Variants in ADCY10 observed in about 807,000 individuals in gnomAD.
ADCY10 encodes the protein adenylate cyclase 10.
In ADCY10, 156 loss-of-function variants were observed where a neutral mutation model predicts 183.3. That is an observed-to-expected ratio of 0.85 (90% CI 0.75 to 0.97). ADCY10 has a LOEUF of 0.97. Ranked by LOEUF, ADCY10 falls within the 50% of genes least tolerant of loss-of-function variation. The pLI is 0.00. For synonymous variants in ADCY10, 645 were observed against 670.0 expected, an observed-to-expected ratio of 0.96 and a Z score of 0.58; for missense variants, 1,745 against 1,934.3, an observed-to-expected ratio of 0.90 and a Z score of 1.84.
Position 167,810,906 on chromosome 1 carries a change from T to A in ADCY10, c.4490A>T (p.Glu1497Val), listed in dbSNP as rs903500118. ...ASGEELLKNL[E>V]NLVAQNTTGP... ...AGTGGTATTTTGAGCCACCAGATTC[T>A]CCAAGTTCTAAAGAAAAAAAACCCA... Residue 1497 changes from glutamate to valine, a missense_variant, in exon 32 of 33, where the codon GAG becomes GTG. Transcript: ENST00000367851. 1.2e-6 allele frequency: 2 copies of A among 1,613,910 alleles called. No individual in the cohort carries two copies. The highest frequency in any genetic ancestry group is 1.7e-6 in the Non-Finnish European group (2 of 1,179,998).
chr1:167,825,100 A>G (rs1422031657), intron 26 of ADCY10, among the ~76,000 whole-genome samples: 1 of 152,218 alleles, frequency 6.6e-6, no homozygotes, highest in Non-Finnish European at 1.5e-5. Context: ...AAAAATTTTA[A>G]TTTCTGTGAA....
intron 25 of ADCY10, among the ~76,000 whole-genome samples, chr1:167,829,963 TA>T (rs1227337915): frequency 6.6e-6 from 1 of 152,140 alleles, no homozygotes; most frequent in Non-Finnish European, 1.5e-5. Flanking sequence ...GAAAGGAAAA[TA>T]AAAACTCAGG....
chr1:167,839,096 C>T (rs1664437454), intron 21 of ADCY10, among the ~76,000 whole-genome samples: 2 of 152,240 alleles, frequency 1.3e-5, no homozygotes, highest in East Asian at 3.8e-4. Context: ...CCTTCTATTC[C>T]TATCCTTTTC....
rs1669251779 is a variant in ADCY10, at chr1:167,899,612, G to A, written c.453C>T (p.His151=). The A allele has an allele frequency of 6.2e-7, 1 of 1,613,784 alleles. No homozygotes were observed. The highest frequency in any genetic ancestry group is 1.7e-5 in the Admixed American group (1 of 60,008). The change falls in exon 6 of 33, where the codon CAC becomes CAT. Residue 151 remains histidine, a synonymous_variant. Coordinates refer to ENST00000367851, the MANE Select transcript of ADCY10 (RefSeq NM_018417.6). ...IRVKIGLAAG[H]ISMLVFGDET... ...CATCTCCAAAGACCAACATGCTGAT[G>A]TGGCCAGCAGCCAGTCCTGGCAAGA...
At chr1:167,849,294 G>A (rs1214070313) in intron 18 of ADCY10, among the ~76,000 whole-genome samples, 1 of 152,200 alleles carries the variant, frequency 6.6e-6, no homozygotes, top group Non-Finnish European at 1.5e-5. Context: ...GGTGAAGTTT[G>A]AATAGTAAAT....
intron 16 of ADCY10, among the ~76,000 whole-genome samples, chr1:167,859,082 G>T (rs1171415645): frequency 6.6e-6 from 1 of 152,146 alleles, no homozygotes; most frequent in East Asian, 1.9e-4. Flanking sequence ...CAAGGATCAG[G>T]ATCAGGATGA....
At chr1:167,853,302 T>C (rs968711218) in intron 18 of ADCY10, among the ~76,000 whole-genome samples, 1 of 152,088 alleles carries the variant, frequency 6.6e-6, no homozygotes, top group Admixed American at 6.5e-5. Flanking sequence ...TCCCTATTCC[T>C]CCTGCTAAAT....
chr1:167,890,380 C>T (rs778342887), intron 8 of ADCY10, among the ~76,000 whole-genome samples: 3 of 152,156 alleles, frequency 2.0e-5, no homozygotes, highest in Non-Finnish European at 4.4e-5. Context: ...GACTTTTGTT[C>T]TCTTCCCTTA....
intron 1 of ADCY10, among the ~76,000 whole-genome samples, chr1:167,913,283 G>A (rs1670266744): frequency 1.3e-5 from 2 of 152,170 alleles, no homozygotes; most frequent in African/African-American, 4.8e-5. Context: ...ACCCAAAAAT[G>A]AAAAGAGAAA....
chr1:167,830,904 C>T (rs2101894491), intron 25 of ADCY10, among the ~76,000 whole-genome samples: 1 of 152,272 alleles, frequency 6.6e-6, no homozygotes, highest in African/African-American at 2.4e-5. Flanking sequence ...CAACTTTTGT[C>T]TCACCTATCT....
intron 6 of ADCY10, among the ~76,000 whole-genome samples, chr1:167,896,955 G>T (rs1278762771): frequency 6.6e-6 from 1 of 152,044 alleles, no homozygotes; most frequent in Non-Finnish European, 1.5e-5. Flanking sequence ...ATACTTTTCT[G>T]CCCTTAGAAC....
In ADCY10 at chr1:167,901,491, T is replaced by C. The variant is rs78322988; in HGVS notation, c.436+171A>G. Among the ~76,000 whole-genome samples, 4,217 of 152,256 alleles carry C rather than the reference T, an allele frequency of 0.028. 185 individuals are homozygous for C. Among genetic ancestry groups the C allele is most frequent in the African/African-American group, 0.096 (3,967 of 41,532 alleles). ...TATGATTAACCCAAATTCTCTCAACTGGTATGTGAGGAAGCCAAAATTCAC... is the reference window on the plus strand; with the variant it reads ...TATGATTAACCCAAATTCTCTCAACCGGTATGTGAGGAAGCCAAAATTCAC... On this transcript the variant is annotated intron_variant, in intron 5 of 32. Coordinates refer to ENST00000367851, the MANE Select transcript of ADCY10 (RefSeq NM_018417.6).
intron 1 of ADCY10, among the ~76,000 whole-genome samples, chr1:167,908,069 C>A (rs957947654): frequency 9.2e-5 from 14 of 152,150 alleles, no homozygotes; most frequent in Admixed American, 7.8e-4. Flanking sequence ...GGGTATATAC[C>A]CAAAGGAATT....
chr1:167,840,959 G>T (rs366694), intron 21 of ADCY10, among the ~76,000 whole-genome samples: 12,972 of 54,920 alleles, frequency 0.24, 678 homozygotes, highest in Middle Eastern at 0.41. Context: ...TTTTTTTTTT[G>T]AGACAGGGCC....
chr1:167,826,578 T>C (rs770182609), intron 26 of ADCY10, among the ~76,000 whole-genome samples: 1 of 152,178 alleles, frequency 6.6e-6, no homozygotes, highest in Non-Finnish European at 1.5e-5. Context: ...TCTACCACAA[T>C]TCTTAGGATA....
rs746210625 is a variant in ADCY10, at chr1:167,878,480, G to A, written c.1372C>T (p.Pro458Ser). 4.6e-5 allele frequency: 75 copies of A among 1,614,048 alleles called. 2 individuals are homozygous for A. The South Asian group carries it at 7.8e-4, about 17-fold the overall frequency. The change falls in exon 12 of 33, where the codon CCA becomes TCA. Residue 458 changes from proline (P) to serine (S), a missense_variant. By Grantham distance (74) the Pro-to-Ser change is moderately conservative (BLOSUM62 -1). Coordinates refer to ENST00000367851, the MANE Select transcript of ADCY10 (RefSeq NM_018417.6). ...GTACGGCCCCAATACTGATACAATG[G>A]TCCAGAATCTGCAACACCTTTCATA... is the stretch of plus-strand genomic sequence containing the variant. ...KVMKGVADSGPLYQYWGRTEK... is the reference protein window; with the variant it reads ...KVMKGVADSGSLYQYWGRTEK...
intron 21 of ADCY10, among the ~76,000 whole-genome samples, chr1:167,839,192 C>A (rs1023872695): frequency 8.5e-5 from 13 of 152,382 alleles, no homozygotes; most frequent in Admixed American, 3.3e-4. Context: ...CCAACTCAAT[C>A]TCCATTGTCC....
intron 6 of ADCY10, among the ~76,000 whole-genome samples, chr1:167,898,283 A>G (rs931690537): frequency 2.0e-5 from 3 of 152,078 alleles, no homozygotes; most frequent in Non-Finnish European, 2.9e-5. Flanking sequence ...TCAAAGTTAA[A>G]ACAATTTTTA....
chr1:167,875,976 G>T (rs1667432288), intron 12 of ADCY10, among the ~76,000 whole-genome samples: 1 of 151,964 alleles, frequency 6.6e-6, no homozygotes, highest in Non-Finnish European at 1.5e-5. Context: ...AGGACTACTG[G>T]CCAGGCACGG....
Sources: gnomAD v4.1 joint callset for allele counts (sites outside exome capture counted in the v4.1 genomes callset) on GRCh38, gnomAD v4.1.1 for gene constraint, MANE v1.5 for transcripts, NCBI Gene and HGNC (gene_info 2026-07-23, HGNC 2026-07-21) for gene names.